The following AFF2 variants were observed in gnomAD, a reference collection of about 807,000 sequenced individuals.
The protein encoded by AFF2 is AF4/FMR2 family member 2.
AFF2 carries 14 observed loss-of-function variants against 76.9 expected under a neutral mutation model. The ratio of observed to expected loss-of-function variants is 0.18; its 90% CI spans 0.12 to 0.28. The LOEUF is 0.28. Ranked by LOEUF, AFF2 falls within the 10% of genes least tolerant of loss-of-function variation. The pLI, the probability that AFF2 is intolerant of heterozygous loss-of-function variation, is 1.00. For synonymous variants in AFF2, 398 were observed against 366.7 expected (o/e 1.09, Z -0.98); for missense variants, 868 against 1,001.1 (o/e 0.87, Z 1.79).
At chrX:148,706,620 AT>A (rs2054887830) in intron 3 of AFF2, among the ~76,000 whole-genome samples, 1 of 112,348 alleles carries the variant, frequency 8.9e-6, no homozygotes, top group South Asian at 3.7e-4. Flanking sequence ...TGTTGATGTG[AT>A]AGCCCGCACC....
intron 1 of AFF2, among the ~76,000 whole-genome samples, chrX:148,610,133 G>C (rs960723339): frequency 9.0e-6 from 1 of 111,710 alleles, no homozygotes; most frequent in African/African-American, 3.3e-5. Flanking sequence ...GAGAGAGAGG[G>C]GGGTGGAAGA....
At chrX:148,947,242 C>A (rs1557286165) in intron 9 of AFF2, among the ~76,000 whole-genome samples, 1 of 112,339 alleles carries the variant, frequency 8.9e-6, no homozygotes. Context: ...CAGATCACAA[C>A]TGGACCATAA....
chrX:148,952,438 C>G (rs782220714), intron 9 of AFF2, among the ~76,000 whole-genome samples: 2 of 111,512 alleles, frequency 1.8e-5, no homozygotes, highest in African/African-American at 6.5e-5. Flanking sequence ...AGATGGCAAA[C>G]AGACAAACAG....
chrX:148,812,167 T>C (rs2070211414), intron 4 of AFF2, among the ~76,000 whole-genome samples: 1 of 111,821 alleles, frequency 8.9e-6, no homozygotes, highest in South Asian at 3.8e-4. Context: ...TTGTTGGGCT[T>C]TTTGTCTTAA....
intron 3 of AFF2, among the ~76,000 whole-genome samples, chrX:148,755,065 G>T (rs782628520): frequency 1.8e-4 from 20 of 111,558 alleles, no homozygotes; most frequent in Admixed American, 3.8e-4. Context: ...CCTAGCGAGT[G>T]TAGGAGTCAA....
intron 3 of AFF2, among the ~76,000 whole-genome samples, chrX:148,694,324 A>G (rs1432912970): frequency 6.3e-5 from 7 of 111,797 alleles, no homozygotes; most frequent in African/African-American, 2.3e-4. Context: ...AATAATAAAA[A>G]AAAAGAATGA....
In AFF2 at chrX:148,704,651, C is replaced by G. The variant is rs1010906119; in HGVS notation, c.1041+41883C>G. ...AAACAATTCTCCTGCTTCAGCCTCC[C>G]GAGTAGCTGGGACTACAGGTGTGAG... On this transcript the variant is annotated intron_variant, in intron 3 of 20. Transcript: ENST00000370460. Among the ~76,000 whole-genome samples the G allele has an allele frequency of 7.1e-4, 75 of 106,207 alleles. 2 individuals are homozygous for G. The highest frequency in any genetic ancestry group is 4.2e-4 in the Non-Finnish European group (22 of 51,827). The allele number at this position is 106,207 out of a possible 115,157, so 92.2% of individuals were successfully genotyped here.
At chrX:148,843,066 C>A (rs2070620357) in intron 6 of AFF2, 64 bp downstream of exon 6, 2 of 908,133 alleles carry the variant, frequency 2.2e-6, no homozygotes, top group Admixed American at 2.8e-5. Context: ...TCATTTTTTC[C>A]TTTTTCCTAC....
intron 4 of AFF2, among the ~76,000 whole-genome samples, chrX:148,813,808 T>C (rs1489150608): frequency 8.9e-6 from 1 of 112,399 alleles, no homozygotes; most frequent in Non-Finnish European, 1.9e-5. Flanking sequence ...TGTTGTTTCC[T>C]CAATTTGTAC....
At chrX:148,544,123 C>A (rs1432188413) in intron 1 of AFF2, among the ~76,000 whole-genome samples, 1 of 112,115 alleles carries the variant, frequency 8.9e-6, no homozygotes, top group East Asian at 2.8e-4. Context: ...TGCCAGGCAG[C>A]AAGATAAGGA....
intron 3 of AFF2, among the ~76,000 whole-genome samples, chrX:148,761,393 G>C (rs2069438980): frequency 9.1e-6 from 1 of 109,514 alleles, no homozygotes; most frequent in East Asian, 2.8e-4. Context: ...ATATGGGGAG[G>C]TCATTTACAA....
At chrX:148,838,196 T>C (rs1462159544) in intron 5 of AFF2, among the ~76,000 whole-genome samples, 4 of 112,513 alleles carry the variant, frequency 3.6e-5, no homozygotes, top group Non-Finnish European at 7.5e-5. Context: ...AGTTCTATTG[T>C]CAAATGTTTA....
intron 3 of AFF2, among the ~76,000 whole-genome samples, chrX:148,756,586 T>C (rs1486467440): frequency 8.9e-6 from 1 of 112,697 alleles, no homozygotes; most frequent in Non-Finnish European, 1.9e-5. Context: ...TCAGTAGTAG[T>C]ACATTTGAAT....
At chrX:148,987,237 GT>G in intron 19 of AFF2, 129 bp from the exon 20 acceptor site, 1 of 571,297 alleles carries the variant, frequency 1.8e-6, no homozygotes, top group Admixed American at 3.0e-5. Flanking sequence ...CTTCACATGT[GT>G]ACGCTATGCT....
intron 3 of AFF2, among the ~76,000 whole-genome samples, chrX:148,757,605 T>A (rs2069389495): frequency 9.0e-6 from 1 of 111,343 alleles, no homozygotes; most frequent in East Asian, 2.8e-4. Flanking sequence ...GATTAGATCT[T>A]TAAAAAGTGT....
At chrX:148,761,008 T>C (rs958436603) in intron 3 of AFF2, among the ~76,000 whole-genome samples, 1 of 111,964 alleles carries the variant, frequency 8.9e-6, no homozygotes, top group African/African-American at 3.2e-5. Context: ...CTAGAAAGAA[T>C]GTGTGAAGAA....
chrX:148,798,708 C>T lies in AFF2; in HGVS notation c.1042-11168C>T, dbSNP rs782037412. Among the ~76,000 whole-genome samples, 7 of 111,953 alleles carry T rather than the reference C, an allele frequency of 6.3e-5. No homozygotes were observed. In the South Asian group the frequency reaches 1.9e-3, roughly 30 times the overall value. On this transcript the variant is annotated intron_variant, in intron 3 of 20. Transcript: ENST00000370460. Reference sequence around the variant, plus strand: ...TCAATACCTTGTTTTCTTGTGGATGCGAGAAAAGTTAGGATCACTGATGCT... The same window carrying T: ...TCAATACCTTGTTTTCTTGTGGATGTGAGAAAAGTTAGGATCACTGATGCT...
At chrX:148,634,943 A>C (rs17318094) in intron 1 of AFF2, among the ~76,000 whole-genome samples, 20,692 of 110,925 alleles carry the variant, frequency 0.19, 1,426 homozygotes, top group Non-Finnish European at 0.2. Context: ...CTCATGCATT[A>C]ATTTGCCTCA....
chrX:148,824,023 G>A (rs2070357534), intron 4 of AFF2, among the ~76,000 whole-genome samples: 1 of 107,343 alleles, frequency 9.3e-6, no homozygotes, highest in Admixed American at 1.0e-4. Flanking sequence ...GAGAGAAATG[G>A]TACTATAAAA....
Sources: allele counts gnomAD v4.1 joint callset (sites outside exome capture counted in the v4.1 genomes callset), GRCh38; gene constraint gnomAD v4.1.1; transcripts MANE v1.5; gene names NCBI Gene and HGNC (gene_info 2026-07-23, HGNC 2026-07-21).